Variants in PCNX1 observed in about 807,000 individuals in gnomAD.
PCNX1 encodes pecanex-like protein 1.
A neutral mutation model predicts 242.2 loss-of-function variants in PCNX1; 78 were observed. The observed-to-expected ratio is 0.32, with a 90% confidence interval of 0.27 to 0.39. The LOEUF (loss-of-function observed/expected upper bound fraction) is 0.39. PCNX1 is among the 10% of genes least tolerant of loss of function. PCNX1 has a pLI of 1.00. For synonymous variants in PCNX1, 1,024 were observed against 1,032.9 expected, an observed-to-expected ratio of 0.99 and a Z score of 0.17; for missense variants, 2,581 against 2,856.5, an observed-to-expected ratio of 0.90 and a Z score of 2.20.
intron 22 of PCNX1, chr14:71,049,042 TA>T (rs1472888188): frequency 1.0e-6 from 1 of 953,078 alleles, no homozygotes; most frequent in African/African-American, 1.8e-5. Context: ...CAGAGAATTG[TA>T]TAAAGAAGCA....
intron 2 of PCNX1, among the ~76,000 whole-genome samples, chr14:70,947,948 G>A (rs1321488658): frequency 6.6e-6 from 1 of 152,192 alleles, no homozygotes; most frequent in Admixed American, 6.5e-5. Flanking sequence ...CGCAGTTGTG[G>A]ATAGGGGATG....
At chr14:70,978,793 G>T in intron 6 of PCNX1, 145 bp downstream of exon 6, 1 of 754,708 alleles carries the variant, frequency 1.3e-6, no homozygotes, top group East Asian at 2.9e-5. Context: ...TGAAGAAGTA[G>T]GTGATTATCT....
In PCNX1 at chr14:71,051,934, C is replaced by T; in HGVS notation, c.4499C>T (p.Pro1500Leu). Residue 1500 changes from proline (P) to leucine (L), a missense_variant, in exon 24 of 36, where the codon CCA becomes CTA. Pro to Leu is a moderately conservative substitution (Grantham distance 98). This residue lies in a region of PCNX1 where 99 missense variants were observed against 147.3 expected (regional missense o/e 0.67). Transcript: ENST00000304743. ...QAAVSAFFST[P>L]LNPFLGSAIF... ...GCTGTCTCGGCCTTCTTCTCTACTC[C>T]ACTGAACCCCTTTCTGGGAAGTGCA... 2 of 1,613,638 alleles carry T rather than the reference C, an allele frequency of 1.2e-6. No individual in the cohort carries two copies. The highest frequency in any genetic ancestry group is 1.7e-6 in the Non-Finnish European group (2 of 1,179,588).
chr14:71,016,632 A>G (rs540865967), intron 11 of PCNX1, among the ~76,000 whole-genome samples: 1 of 152,182 alleles, frequency 6.6e-6, no homozygotes, highest in Non-Finnish European at 1.5e-5. Flanking sequence ...TAAATAACCC[A>G]TGGATTAGAG....
chr14:70,932,816 T>C (rs893087431), intron 1 of PCNX1, among the ~76,000 whole-genome samples: 1 of 151,976 alleles, frequency 6.6e-6, no homozygotes, highest in African/African-American at 2.4e-5. Flanking sequence ...TTCACCATGT[T>C]GGTCAGGCTG....
rs769456817 is a variant in PCNX1 at position 71,076,456 on chromosome 14, G to T, written c.5337+37G>T. The T allele has an allele frequency of 3.6e-6, 5 of 1,391,502 alleles. No homozygotes were observed. The East Asian group carries it at 1.1e-4, about 32-fold the overall frequency. The allele number at this position is 1,391,502 out of a possible 1,614,324, so 86.2% of individuals were successfully genotyped here. A position where few individuals can be genotyped will look rare whatever the true frequency, so the allele number is the denominator to read the frequency against. ...TTCATTTATAACTCTTTGAATCCAG[G>T]TTTTTCCAAAGATGCAAAGAATGTC... On this transcript the variant is annotated intron_variant, in intron 28 of 35. Coordinates refer to ENST00000304743, the MANE Select transcript of PCNX1 (RefSeq NM_014982.3).
At chr14:70,918,280 T>C (rs1004997130) in intron 1 of PCNX1, among the ~76,000 whole-genome samples, 1 of 152,230 alleles carries the variant, frequency 6.6e-6, no homozygotes, top group Non-Finnish European at 1.5e-5. Context: ...TCTTGGCTTT[T>C]GATGTGCCTT....
At chr14:71,091,871 A>G (rs1325371123) in intron 30 of PCNX1, among the ~76,000 whole-genome samples, 1 of 152,248 alleles carries the variant, frequency 6.6e-6, no homozygotes, top group East Asian at 1.9e-4. Flanking sequence ...TGTTGGGAGT[A>G]TGCTTAAAAC....
At chr14:70,998,451 T>C (rs2059414219) in intron 8 of PCNX1, among the ~76,000 whole-genome samples, 1 of 152,010 alleles carries the variant, frequency 6.6e-6, no homozygotes, top group Non-Finnish European at 1.5e-5. Context: ...AGTGGCTTAA[T>C]TTAAAAGGAA....
intron 11 of PCNX1, among the ~76,000 whole-genome samples, chr14:71,015,368 C>T (rs985061922): frequency 2.0e-5 from 3 of 152,076 alleles, no homozygotes; most frequent in Admixed American, 6.6e-5. Context: ...AATAACAGTG[C>T]TTCGTGTGGT....
chr14:71,025,558 C>A (rs1226722114), intron 13 of PCNX1, among the ~76,000 whole-genome samples: 1 of 151,890 alleles, frequency 6.6e-6, no homozygotes, highest in Non-Finnish European at 1.5e-5. Flanking sequence ...TATGTATGTA[C>A]ATATATACAC....
intron 19 of PCNX1, among the ~76,000 whole-genome samples, chr14:71,039,252 A>C (rs1181742057): frequency 6.6e-6 from 1 of 152,182 alleles, no homozygotes. Flanking sequence ...AACAAAAAAA[A>C]CCAAATACTT....
chr14:71,079,399 A>G (rs1209207735), intron 28 of PCNX1, among the ~76,000 whole-genome samples: 1 of 152,204 alleles, frequency 6.6e-6, no homozygotes, highest in Non-Finnish European at 1.5e-5. Context: ...TTCTGGTTCT[A>G]GATCCTTGGG....
At chr14:71,052,076 G>A in intron 24 of PCNX1, 64 bp downstream of exon 24, 1 of 1,179,620 alleles carries the variant, frequency 8.5e-7, no homozygotes, top group Non-Finnish European at 1.2e-6. Flanking sequence ...ACTATTGACA[G>A]CATTATTATT....
At chr14:70,994,416 T>TAG (rs1334896946) in intron 7 of PCNX1, among the ~76,000 whole-genome samples, 7 of 130,868 alleles carry the variant, frequency 5.3e-5, no homozygotes, top group Non-Finnish European at 9.8e-5. Flanking sequence ...TATATATATA[T>TAG]ATATATATAT....
At position 71,109,926 on chromosome 14, in the gene PCNX1, T is replaced by C. The variant is rs2062722764; in HGVS notation, c.7017T>C (p.Ala2339=). The change falls in exon 36 of 36, where the codon GCT becomes GCC. Residue 2339 remains alanine, a synonymous_variant. Coordinates refer to ENST00000304743, the MANE Select transcript of PCNX1 (RefSeq NM_014982.3). ...VIETGVLELG[A]EV is the part of the protein sequence containing the mutation. ...AAACTGGGGTACTAGAACTTGGGGCTGAAGTGTGAGCCAGTGTTTATTATA... is the reference window on the plus strand; with the variant it reads ...AAACTGGGGTACTAGAACTTGGGGCCGAAGTGTGAGCCAGTGTTTATTATA... 6.2e-7 allele frequency: 1 copy of C among 1,613,394 alleles called. No homozygotes were observed. Among genetic ancestry groups the C allele is most frequent in the Non-Finnish European group, 8.5e-7 (1 of 1,179,396 alleles).
Position 71,015,446 on chromosome 14 carries a change from A to G in PCNX1, c.2996+2244A>G, listed in dbSNP as rs77805658. 9.0e-3 allele frequency among the ~76,000 whole-genome samples: 1,367 copies of G among 152,318 alleles called. 10 individuals are homozygous for G. The highest frequency in any genetic ancestry group is 0.012 in the Non-Finnish European group (843 of 68,024). ...CAGAGGGGACAAATAAAAGCATACT[A>G]TTGTAAGTTTCTTATATGTAAAGTG... On this transcript the variant is annotated intron_variant, in intron 11 of 35. Transcript: ENST00000304743.
intron 1 of PCNX1, among the ~76,000 whole-genome samples, chr14:70,939,216 G>A (rs2057133056): frequency 6.6e-6 from 1 of 152,068 alleles, no homozygotes; most frequent in South Asian, 2.1e-4. Context: ...TCTTTTAATT[G>A]TGATGTTAGG....
chr14:70,948,984 TATAA>T (rs1447818986), intron 2 of PCNX1, among the ~76,000 whole-genome samples: 2 of 147,156 alleles, frequency 1.4e-5, no homozygotes, highest in African/African-American at 5.1e-5. Flanking sequence ...TATAAATGCT[TATAA>T]ATCTCAGCAT....
Sources: gnomAD v4.1 joint callset for allele counts (sites outside exome capture counted in the v4.1 genomes callset) on GRCh38, gnomAD v4.1.1 for gene constraint, gnomAD v4.1.1 regional missense constraint, MANE v1.5 for transcripts, NCBI Gene and HGNC (gene_info 2026-07-23, HGNC 2026-07-21) for gene names.